The following POU2F1 variants were observed in gnomAD, a reference collection of about 807,000 sequenced individuals.
The protein encoded by POU2F1 is POU domain, class 2, transcription factor 1.
In POU2F1, 16 loss-of-function variants were observed where a neutral mutation model predicts 84.9. The ratio of observed to expected loss-of-function variants is 0.19; its 90% CI spans 0.13 to 0.29. The LOEUF (loss-of-function observed/expected upper bound fraction) is 0.29, where lower values mean the gene tolerates loss of function less well. Among genes scored for constraint, POU2F1 ranks in the 10% least tolerant of loss-of-function variants. POU2F1 has a pLI of 1.00. For missense variants in POU2F1, 738 were observed against 942.6 expected, an observed-to-expected ratio of 0.78 and a Z score of 2.84; for synonymous variants, 368 against 368.3, an observed-to-expected ratio of 1.00 and a Z score of 0.01.
chr1:167,304,827 A>T (rs1038177309), intron 1 of POU2F1, among the ~76,000 whole-genome samples: 5 of 152,232 alleles, frequency 3.3e-5, no homozygotes, highest in Non-Finnish European at 5.9e-5. Context: ...TTTATAGTTG[A>T]TAAGCAATAA....
rs183200156 is a variant in POU2F1 at position 167,373,182 on chromosome 1, G to A, written c.403-926G>A. ...ACAAATTGTGTTTGATTCTTTTAGA[G>A]GAGGTTGTGGCACTAAGTGACTGTA... On this transcript the variant is annotated intron_variant, in intron 5 of 15. Coordinates refer to ENST00000367866, the MANE Select transcript of POU2F1 (RefSeq NM_002697.4). Among the ~76,000 whole-genome samples the A allele has an allele frequency of 8.5e-4, 130 of 152,274 alleles. 4 individuals are homozygous for A. The highest frequency in any genetic ancestry group is 5.2e-4 in the Admixed American group (8 of 15,292).
At chr1:167,333,593 A>G (rs989523240) in intron 2 of POU2F1, among the ~76,000 whole-genome samples, 1 of 152,156 alleles carries the variant, frequency 6.6e-6, no homozygotes, top group South Asian at 2.1e-4. Flanking sequence ...CTATACCTGG[A>G]GATGCTTATG....
At chr1:167,293,576 C>G (rs1654075372) in intron 1 of POU2F1, among the ~76,000 whole-genome samples, 1 of 152,152 alleles carries the variant, frequency 6.6e-6, no homozygotes, top group Non-Finnish European at 1.5e-5. Context: ...AAAATACCAA[C>G]ATCATTTTTC....
At chr1:167,241,588 T>G (rs1649908077) in intron 1 of POU2F1, 1 of 152,208 alleles carries the variant, frequency 6.6e-6, no homozygotes, top group African/African-American at 2.4e-5. Flanking sequence ...GATGGAATGG[T>G]TCTGGGCAAT....
At chr1:167,247,453 C>G (rs140007376) in intron 1 of POU2F1, among the ~76,000 whole-genome samples, 3 of 152,134 alleles carry the variant, frequency 2.0e-5, no homozygotes, top group Admixed American at 2.0e-4. Flanking sequence ...CTAATCTTTA[C>G]CTAAATTTCC....
At chr1:167,248,620 A>T (rs1650507129) in intron 1 of POU2F1, among the ~76,000 whole-genome samples, 1 of 152,200 alleles carries the variant, frequency 6.6e-6, no homozygotes, top group Admixed American at 6.5e-5. Flanking sequence ...GTCAAGAAAG[A>T]CTTCTCAAAG....
chr1:167,270,151 T>C (rs1342392118), intron 1 of POU2F1, among the ~76,000 whole-genome samples: 2 of 152,184 alleles, frequency 1.3e-5, no homozygotes, highest in Non-Finnish European at 2.9e-5. Flanking sequence ...ACATTTTATT[T>C]TGAAAATTTC....
intron 2 of POU2F1, among the ~76,000 whole-genome samples, chr1:167,360,037 T>G (rs1483423437): frequency 1.3e-5 from 2 of 152,026 alleles, no homozygotes; most frequent in Non-Finnish European, 2.9e-5. Flanking sequence ...TTTTTCTTGT[T>G]GATTTAAGTT....
At chr1:167,328,353 C>T (rs771484643) in intron 1 of POU2F1, among the ~76,000 whole-genome samples, 9 of 152,158 alleles carry the variant, frequency 5.9e-5, no homozygotes, top group Non-Finnish European at 8.8e-5. Context: ...ACTGTTGCCT[C>T]GTTTTAAAGT....
chr1:167,425,106 C>T lies in POU2F1; in HGVS notation c.*9296C>T, dbSNP rs1032180475. 3.3e-5 allele frequency: 5 copies of T among 151,972 alleles called. 1 individual carries two copies. Among genetic ancestry groups the T allele is most frequent in the Non-Finnish European group, 4.4e-5 (3 of 68,008 alleles). The allele number at this position is 151,972 out of a possible 1,614,324, so 9.4% of individuals were successfully genotyped here. On this transcript the variant is annotated 3_prime_UTR_variant, in exon 16 of 16. Coordinates refer to ENST00000367866, the MANE Select transcript of POU2F1 (RefSeq NM_002697.4). ...AATGGGCTCTCTAGAAGCTGCATCC[C>T]CAGCCCTTTCACCTTTTCTTTGAAT...
rs1207275770 is a variant in POU2F1, at chr1:167,351,643, G to GA, written c.128-13821dup. 7.2e-5 allele frequency among the ~76,000 whole-genome samples: 11 copies of GA among 151,860 alleles called. 1 individual carries two copies. In the East Asian group the frequency reaches 1.4e-3, roughly 19 times the overall value. ...AGATTTTATAGGAGTTAAGATTTTG[G>GA]AAATATTATTTATAATTAGGCTGGC... is the stretch of plus-strand genomic sequence containing the variant. On this transcript the variant is annotated intron_variant, in intron 2 of 15. Coordinates refer to ENST00000367866, the MANE Select transcript of POU2F1 (RefSeq NM_002697.4).
chr1:167,390,618 C>A (rs1648330820), intron 9 of POU2F1, among the ~76,000 whole-genome samples: 1 of 151,556 alleles, frequency 6.6e-6, no homozygotes, highest in African/African-American at 2.4e-5. Flanking sequence ...CCCTGTCTCT[C>A]CAAAAAGTAA....
intron 1 of POU2F1, among the ~76,000 whole-genome samples, chr1:167,238,018 G>C (rs1351557072): frequency 6.6e-6 from 1 of 151,782 alleles, no homozygotes; most frequent in Non-Finnish European, 1.5e-5. Context: ...CTGACCTGAA[G>C]TGATCTGCCC....
At chr1:167,372,874 A>G (rs1660096727) in intron 5 of POU2F1, among the ~76,000 whole-genome samples, 1 of 152,134 alleles carries the variant, frequency 6.6e-6, no homozygotes, top group Non-Finnish European at 1.5e-5. Flanking sequence ...GGTAAGGAAT[A>G]GTTTTTATTC....
chr1:167,392,354 C>CAAAA (rs71572456), intron 9 of POU2F1, among the ~76,000 whole-genome samples: 1 of 88,504 alleles, frequency 1.1e-5, no homozygotes, highest in Non-Finnish European at 2.3e-5. Flanking sequence ...GACTCTGTCT[C>CAAAA]AAAAAAAAAA....
chr1:167,373,376 G>C (rs759827916), intron 5 of POU2F1, among the ~76,000 whole-genome samples: 1 of 152,152 alleles, frequency 6.6e-6, no homozygotes, highest in Non-Finnish European at 1.5e-5. Flanking sequence ...TTTGGGTCTT[G>C]TTTTTGGTGA....
At chr1:167,390,457 C>T (rs1024907001) in intron 9 of POU2F1, among the ~76,000 whole-genome samples, 1 of 152,072 alleles carries the variant, frequency 6.6e-6, no homozygotes, top group Non-Finnish European at 1.5e-5. Context: ...ATTATATTAG[C>T]TAAAAGGGGA....
At position 167,416,087 on chromosome 1, in the gene POU2F1, T is replaced by TAAAAAAAAAAAAAAAAAAAA; in HGVS notation, c.*296_*297insAAAAAAAAAAAAAAAAAAAA. ...ATTGGAGAACTTTCTAACCAAAAATTAAAAAAAAAAAAAAAAAAAGAAACA... is the reference window on the plus strand; with the variant it reads ...ATTGGAGAACTTTCTAACCAAAAATTAAAAAAAAAAAAAAAAAAAAAAAAAAAAAAAAAAAAAAAGAAACA... On this transcript the variant is annotated 3_prime_UTR_variant, in exon 16 of 16. Coordinates refer to ENST00000367866, the MANE Select transcript of POU2F1 (RefSeq NM_002697.4). The TAAAAAAAAAAAAAAAAAAAA allele has an allele frequency of 5.7e-6, 2 of 351,044 alleles. No individual in the cohort carries two copies. Among genetic ancestry groups the TAAAAAAAAAAAAAAAAAAAA allele is most frequent in the East Asian group, 8.0e-5 (1 of 12,468 alleles). The allele number at this position is 351,044 out of a possible 1,614,324, so 21.7% of individuals were successfully genotyped here.
At chr1:167,351,727 T>A (rs1658597893) in intron 2 of POU2F1, among the ~76,000 whole-genome samples, 3 of 151,940 alleles carry the variant, frequency 2.0e-5, no homozygotes. Flanking sequence ...ATGACTAGGA[T>A]TTTCAGAGCT....
Sources: gnomAD v4.1 joint callset for allele counts (sites outside exome capture counted in the v4.1 genomes callset) on GRCh38, gnomAD v4.1.1 for gene constraint, MANE v1.5 for transcripts, NCBI Gene and HGNC (gene_info 2026-07-23, HGNC 2026-07-21) for gene names.